ESR1: variants seen among roughly 807,000 people sequenced by gnomAD.
ESR1 encodes the protein estrogen receptor 1.
Under a neutral mutation model 52.7 loss-of-function variants are expected in ESR1, and 12 were observed. The observed-to-expected ratio is 0.23, with a 90% CI of 0.15 to 0.37. The LOEUF (loss-of-function observed/expected upper bound fraction) is 0.37, where lower values mean the gene tolerates loss of function less well. ESR1 is among the 10% of genes least tolerant of loss of function. ESR1 has a pLI of 1.00. For missense variants in ESR1, 584 were observed against 779.7 expected (o/e 0.75, Z 2.99); for synonymous variants, 305 against 316.8 (o/e 0.96, Z 0.39).
chr6:151,739,561 C>A (rs919197408), intron 2 of ESR1, among the ~76,000 whole-genome samples: 3 of 152,198 alleles, frequency 2.0e-5, no homozygotes, highest in South Asian at 4.1e-4. Context: ...TTTTCAAAGT[C>A]CTGTGTGTAA....
At chr6:152,124,061 C>T (rs562618177) in intron 6 of ESR1, among the ~76,000 whole-genome samples, 108 of 152,166 alleles carry the variant, frequency 7.1e-4, no homozygotes, top group Non-Finnish European at 1.1e-3. Context: ...CAGTGGCTCC[C>T]GCCTGTAATC....
In ESR1 at chr6:152,101,031, T is replaced by G. The variant is rs1378513693; in HGVS notation, c.*2065T>G. 1 of 226,892 alleles carries G rather than the reference T, an allele frequency of 4.4e-6. No individual in the cohort carries two copies. Among genetic ancestry groups the G allele is most frequent in the African/African-American group, 2.3e-5 (1 of 43,524 alleles). 14.1% of individuals were successfully genotyped at this position (226,892 alleles called of 1,614,324 possible). On this transcript the variant is annotated 3_prime_UTR_variant, in exon 8 of 8. Coordinates refer to ENST00000206249, the MANE Select transcript of ESR1 (RefSeq NM_000125.4). ...ACATGCAAAAACCAAGGAAAAATATTTAGTTTTTTTTTTTTTTTTTGTATA... is the reference window on the plus strand; with the variant it reads ...ACATGCAAAAACCAAGGAAAAATATGTAGTTTTTTTTTTTTTTTTTGTATA...
At chr6:151,896,723 C>A (rs1348964902) in intron 3 of ESR1, among the ~76,000 whole-genome samples, 1 of 151,118 alleles carries the variant, frequency 6.6e-6, no homozygotes, top group Non-Finnish European at 1.5e-5. Flanking sequence ...CTTCTGCTGG[C>A]TTTGGGTTTC....
rs779576421 is a variant in ESR1 at position 152,101,713 on chromosome 6, T to G, written c.*2747T>G. 9.1e-5 allele frequency: 21 copies of G among 230,694 alleles called. No individual in the cohort carries two copies. Among genetic ancestry groups the G allele is most frequent in the Admixed American group, 5.7e-5 (1 of 17,696 alleles). 14.3% of individuals were successfully genotyped at this position (230,694 alleles called of 1,614,324 possible). ...GCAAGTTAAAATGTAAAAGATGTGA[T>G]TTATCTGGGGGGCTCAGGTATGGTG... On this transcript the variant is annotated 3_prime_UTR_variant, in exon 8 of 8. Coordinates refer to ENST00000206249, the MANE Select transcript of ESR1 (RefSeq NM_000125.4).
At chr6:151,755,252 A>G (rs1225443481) in intron 2 of ESR1, among the ~76,000 whole-genome samples, 1 of 151,586 alleles carries the variant, frequency 6.6e-6, no homozygotes, top group Non-Finnish European at 1.5e-5. Flanking sequence ...AAAAAAAAAA[A>G]GCAAAGAGCA....
At chr6:152,071,577 C>G (rs6928634) in intron 6 of ESR1, among the ~76,000 whole-genome samples, 31,239 of 152,128 alleles carry the variant, frequency 0.21, 4,428 homozygotes, top group African/African-American at 0.39. Flanking sequence ...AGAACAATAC[C>G]TACTTAAACT....
intron 2 of ESR1, among the ~76,000 whole-genome samples, chr6:151,853,073 G>A (rs868247630): frequency 2.7e-5 from 4 of 149,142 alleles, no homozygotes; most frequent in African/African-American, 7.4e-5. Flanking sequence ...TCAGGAGGTG[G>A]AGGCAGGAGA....
At chr6:151,952,037 C>G (rs1388638199) in intron 4 of ESR1, among the ~76,000 whole-genome samples, 1 of 152,128 alleles carries the variant, frequency 6.6e-6, no homozygotes, top group African/African-American at 2.4e-5. Context: ...GATTTAGGTC[C>G]CACCCTAATC....
intron 4 of ESR1, among the ~76,000 whole-genome samples, chr6:151,997,973 G>A (rs758666508): frequency 2.6e-5 from 4 of 152,062 alleles, no homozygotes; most frequent in Non-Finnish European, 4.4e-5. Flanking sequence ...AGCTCTTCTT[G>A]TTACTTCTTG....
chr6:151,812,944 T>C (rs1382019245), intron 1 of ESR1, among the ~76,000 whole-genome samples: 2 of 149,502 alleles, frequency 1.3e-5, no homozygotes, highest in Non-Finnish European at 3.0e-5. Flanking sequence ...ACTCCGCCAG[T>C]GAATTGACGT....
At chr6:151,734,808 G>A in intron 2 of ESR1, among the ~76,000 whole-genome samples, 1 of 151,926 alleles carries the variant, frequency 6.6e-6, no homozygotes, top group Non-Finnish European at 1.5e-5. Flanking sequence ...TTTTAGTAGA[G>A]ATGGGGTTTC....
At chr6:151,803,356 T>A (rs1448762124), upstream of ESR1, among the ~76,000 whole-genome samples, 1 of 152,238 alleles carries the variant, frequency 6.6e-6, no homozygotes, top group African/African-American at 2.4e-5. Flanking sequence ...GGGCTGGACC[T>A]ATTACAAGAG....
intron 3 of ESR1, among the ~76,000 whole-genome samples, chr6:151,930,228 A>T (rs1304526368): frequency 6.6e-6 from 1 of 152,166 alleles, no homozygotes; most frequent in African/African-American, 2.4e-5. Flanking sequence ...CAGGTGATCC[A>T]CCGGCCTCTG....
At chr6:151,712,400 G>T (rs967878654) in intron 2 of ESR1, among the ~76,000 whole-genome samples, 2 of 152,058 alleles carry the variant, frequency 1.3e-5, no homozygotes, top group African/African-American at 4.8e-5. Context: ...AGCCTGATGG[G>T]GATAGCATTG....
chr6:152,003,108 T>C (rs1025944406), intron 4 of ESR1, among the ~76,000 whole-genome samples: 22 of 151,914 alleles, frequency 1.4e-4, no homozygotes, highest in African/African-American at 5.1e-4. Flanking sequence ...AGGCTCTGAG[T>C]GTAATACAGA....
upstream of ESR1, chr6:151,807,648 C>A (rs1379828506): frequency 3.7e-5 from 22 of 586,716 alleles, no homozygotes; most frequent in Non-Finnish European, 6.7e-5. Context: ...GCTCGGGAGA[C>A]CAGTACTTAA....
rs189159785 is a variant in ESR1, at chr6:151,795,290, C to G, written c.-70-12553C>G. ...TCACCTGAGGTCAGGAGTTTGAAAC[C>G]AGCCTGGGCAACATGGCGAAACCCC... On this transcript the variant is annotated intron_variant, in intron 2 of 2. Coordinates refer to the ESR1 transcript ENST00000404742. Among the ~76,000 whole-genome samples, 851 of 151,758 alleles carry G rather than the reference C, an allele frequency of 5.6e-3. 4 individuals are homozygous for G. Among genetic ancestry groups the G allele is most frequent in the Admixed American group, 7.6e-3 (116 of 15,242 alleles).
chr6:151,950,468 A>G (rs1372707726), intron 4 of ESR1, among the ~76,000 whole-genome samples: 2 of 152,228 alleles, frequency 1.3e-5, no homozygotes, highest in African/African-American at 4.8e-5. Context: ...CCTAACCCCC[A>G]GTATCTCAGA....
intron 1 of ESR1, among the ~76,000 whole-genome samples, chr6:151,699,358 T>C (rs898384285): frequency 6.6e-6 from 1 of 152,190 alleles, no homozygotes; most frequent in Non-Finnish European, 1.5e-5. Flanking sequence ...GACAAGTTTG[T>C]AGATTTACAA....
Sources: gnomAD v4.1 joint callset for allele counts (sites outside exome capture counted in the v4.1 genomes callset) on GRCh38, gnomAD v4.1.1 for gene constraint, MANE v1.5 for transcripts, NCBI Gene and HGNC (gene_info 2026-07-23, HGNC 2026-07-21) for gene names.